HS2ST1: variants seen among roughly 807,000 people sequenced by gnomAD.
HS2ST1 encodes the protein 2-O-sulfotransferase.
In HS2ST1, 18 loss-of-function variants were observed where a neutral mutation model predicts 42.9. That is an observed-to-expected ratio of 0.42 (90% CI 0.29 to 0.62). The LOEUF (loss-of-function observed/expected upper bound fraction) is 0.62, where lower values mean the gene tolerates loss of function less well. Among genes scored for constraint, HS2ST1 ranks in the 20% least tolerant of loss-of-function variants. The probability of loss-of-function intolerance (pLI) is 0.21; values close to 1 mark genes in which losing one functional copy is unlikely to be tolerated. For missense variants in HS2ST1, 334 were observed against 433.8 expected, an observed-to-expected ratio of 0.77 and a Z score of 2.04; for synonymous variants, 146 against 152.9, an observed-to-expected ratio of 0.95 and a Z score of 0.33.
chr1:86,985,487 CAT>C (rs753533249), intron 1 of HS2ST1, among the ~76,000 whole-genome samples: 1,989 of 103,586 alleles, frequency 0.019, 121 homozygotes, highest in African/African-American at 0.062. Flanking sequence ...CATATATACA[CAT>C]ATATATACAC....
intron 1 of HS2ST1, among the ~76,000 whole-genome samples, chr1:86,997,282 A>G (rs1649131790): frequency 6.6e-6 from 1 of 152,142 alleles, no homozygotes; most frequent in South Asian, 2.1e-4. Flanking sequence ...CAAGTATGGT[A>G]GTTTAATCAC....
Position 87,101,987 on chromosome 1 carries a change from C to T in HS2ST1, c.687-1445C>T, listed in dbSNP as rs1778010. On this transcript the variant is annotated intron_variant, in intron 5 of 6. Transcript: ENST00000370550. ...TACAATCATGGCAGAAAGTGAAGTGCGAGCAGGCACATCATATGGCAAGAG... is the reference window on the plus strand; with the variant it reads ...TACAATCATGGCAGAAAGTGAAGTGTGAGCAGGCACATCATATGGCAAGAG... Among the ~76,000 whole-genome samples, 799 of 152,164 alleles carry T rather than the reference C, an allele frequency of 5.3e-3. 10 individuals are homozygous for T. Among genetic ancestry groups the T allele is most frequent in the African/African-American group, 0.018 (756 of 41,472 alleles).
In HS2ST1 at chr1:87,104,778, C is replaced by A; in HGVS notation, c.*82C>A. The stretch of plus-strand genomic sequence containing the variant: ...GTTCTCAGCTCCACAGTCTGGATTG[C>A]TGACAGTAGGTGTATATGACAATTT... On this transcript the variant is annotated 3_prime_UTR_variant, in exon 7 of 7. Coordinates refer to ENST00000370550, the MANE Select transcript of HS2ST1 (RefSeq NM_012262.4). 1 of 822,800 alleles carries A rather than the reference C, an allele frequency of 1.2e-6. No homozygotes were observed. Among genetic ancestry groups the A allele is most frequent in the Non-Finnish European group, 2.0e-6 (1 of 498,210 alleles). The allele number at this position is 822,800 out of a possible 1,614,324, so 51.0% of individuals were successfully genotyped here.
intron 6 of HS2ST1, 86 bp from the exon 7 acceptor site, chr1:87,104,384 C>CCA: frequency 1.2e-6 from 1 of 821,948 alleles, no homozygotes. Context: ...GTCATATTAA[C>CCA]CACCTCTTCA....
chr1:87,036,216 G>T (rs1169835815), intron 1 of HS2ST1, among the ~76,000 whole-genome samples: 1 of 152,124 alleles, frequency 6.6e-6, no homozygotes, highest in Non-Finnish European at 1.5e-5. Context: ...TGGGCATTTG[G>T]GTTGGTTCCA....
intron 1 of HS2ST1, among the ~76,000 whole-genome samples, chr1:86,984,906 CA>C (rs34820915): frequency 0.022 from 2,617 of 117,916 alleles, 69 homozygotes; most frequent in African/African-American, 0.07. Context: ...ATCTCCGTCT[CA>C]AAAAAAAAAA....
chr1:87,044,308 G>A (rs992890949), intron 1 of HS2ST1, among the ~76,000 whole-genome samples: 9 of 152,038 alleles, frequency 5.9e-5, no homozygotes, highest in Non-Finnish European at 1.3e-4. Flanking sequence ...TGGTCCATAA[G>A]TATAGCCATT....
intron 1 of HS2ST1, among the ~76,000 whole-genome samples, chr1:87,019,848 A>G (rs1033798201): frequency 6.6e-6 from 1 of 152,228 alleles, no homozygotes; most frequent in Non-Finnish European, 1.5e-5. Flanking sequence ...GAATAATACT[A>G]CAATTTGATG....
At chr1:87,014,422 AC>A (rs1415273034) in intron 1 of HS2ST1, among the ~76,000 whole-genome samples, 1 of 152,102 alleles carries the variant, frequency 6.6e-6, no homozygotes, top group Non-Finnish European at 1.5e-5. Context: ...TGATTCAGTT[AC>A]CTCCCACTGG....
intron 5 of HS2ST1, chr1:87,098,334 T>C (rs922335602): frequency 1.9e-5 from 19 of 987,120 alleles, no homozygotes; most frequent in Admixed American, 6.1e-5. Context: ...GGTTTTACTG[T>C]TAAACTGATT....
chr1:87,059,592 G>A (rs990696893), intron 1 of HS2ST1, among the ~76,000 whole-genome samples: 1 of 152,174 alleles, frequency 6.6e-6, no homozygotes, highest in African/African-American at 2.4e-5. Context: ...TATTTCAAGT[G>A]ACTGAAATGA....
intron 1 of HS2ST1, among the ~76,000 whole-genome samples, chr1:87,043,630 C>T (rs184456038): frequency 2.6e-5 from 4 of 152,102 alleles, no homozygotes; most frequent in African/African-American, 9.6e-5. Context: ...TATGTCTGCA[C>T]CCTGCCTTAA....
At chr1:86,923,437 C>A (rs1304131453) in intron 1 of HS2ST1, among the ~76,000 whole-genome samples, 1 of 151,070 alleles carries the variant, frequency 6.6e-6, no homozygotes, top group African/African-American at 2.4e-5. Context: ...TACTCTGTCA[C>A]CCAGGCTGGA....
intron 1 of HS2ST1, among the ~76,000 whole-genome samples, chr1:86,987,112 C>T (rs1328575230): frequency 6.7e-6 from 1 of 149,768 alleles, no homozygotes; most frequent in Non-Finnish European, 1.5e-5. Context: ...CTCTATTGCC[C>T]AGGCTGGAGT....
chr1:86,945,252 A>C (rs1647296372), intron 1 of HS2ST1, among the ~76,000 whole-genome samples: 1 of 152,212 alleles, frequency 6.6e-6, no homozygotes, highest in African/African-American at 2.4e-5. Context: ...AAGAGATGTG[A>C]TATGGTAGAA....
intron 1 of HS2ST1, among the ~76,000 whole-genome samples, chr1:87,002,776 C>T (rs1649329419): frequency 6.6e-6 from 1 of 151,728 alleles, no homozygotes; most frequent in African/African-American, 2.4e-5. Flanking sequence ...CCTTTTTGGT[C>T]ACCTACAACC....
intron 1 of HS2ST1, among the ~76,000 whole-genome samples, chr1:87,022,508 T>G (rs950557372): frequency 1.3e-5 from 2 of 152,128 alleles, no homozygotes; most frequent in Non-Finnish European, 2.9e-5. Context: ...TAATAAAAAT[T>G]GTGGCACAGT....
At chr1:86,950,537 G>A (rs918165626) in intron 1 of HS2ST1, among the ~76,000 whole-genome samples, 4 of 152,126 alleles carry the variant, frequency 2.6e-5, no homozygotes, top group African/African-American at 9.7e-5. Context: ...GATTTGAATG[G>A]TGTAATATGA....
intron 4 of HS2ST1, among the ~76,000 whole-genome samples, chr1:87,095,917 A>C (rs1178838743): frequency 6.7e-6 from 1 of 150,294 alleles, no homozygotes; most frequent in East Asian, 1.9e-4. Flanking sequence ...ATCGGTTTAC[A>C]TTTTTGCAAA....
Sources: allele counts gnomAD v4.1 joint callset (sites outside exome capture counted in the v4.1 genomes callset), GRCh38; gene constraint gnomAD v4.1.1; transcripts MANE v1.5; gene names NCBI Gene and HGNC (gene_info 2026-07-23, HGNC 2026-07-21).